The following GFRA1 variants were observed in gnomAD, a reference collection of about 807,000 sequenced individuals.
GFRA1 encodes GDNF family receptor alpha-1.
A neutral mutation model predicts 51.6 loss-of-function variants in GFRA1; 16 were observed. That is an observed-to-expected ratio of 0.31 (90% CI 0.21 to 0.47). The LOEUF is 0.47. Ranked by LOEUF, GFRA1 falls within the 20% of genes least tolerant of loss-of-function variation. The pLI, the probability that GFRA1 is intolerant of heterozygous loss-of-function variation, is 1.00. For missense variants in GFRA1, 530 were observed against 594.3 expected (o/e 0.89, Z 1.13); for synonymous variants, 270 against 241.3 (o/e 1.12, Z -1.10).
At chr10:116,095,137 CATAAAG>C (rs1206163033) in intron 7 of GFRA1, among the ~76,000 whole-genome samples, 6 of 152,220 alleles carry the variant, frequency 3.9e-5, no homozygotes, top group Admixed American at 6.5e-5. Flanking sequence ...CTTGGCCCCT[CATAAAG>C]AGGTTAAGGA....
In GFRA1 at chr10:116,061,965, C is replaced by T. The variant is rs967482101; in HGVS notation, c.*2433G>A. ...TTCCCCCTATTTATTTAATCAGCAA[C>T]TGATTTTCAAATTGAGGAGCTGGTA... On this transcript the variant is annotated 3_prime_UTR_variant, in exon 11 of 11. Transcript: ENST00000355422. 2 of 398,484 alleles carry T rather than the reference C, an allele frequency of 5.0e-6. No individual in the cohort carries two copies. The highest frequency in any genetic ancestry group is 4.1e-5 in the African/African-American group (2 of 48,640). 24.7% of individuals were successfully genotyped at this position (398,484 alleles called of 1,614,324 possible).
intron 9 of GFRA1, among the ~76,000 whole-genome samples, chr10:116,067,477 T>G (rs776030137): frequency 2.0e-5 from 3 of 152,200 alleles, no homozygotes; most frequent in Non-Finnish European, 4.4e-5. Flanking sequence ...CACAGCCAAG[T>G]TGCGCCTGAG....
chr10:116,068,819 G>T (rs1012557480), intron 9 of GFRA1, among the ~76,000 whole-genome samples: 1 of 151,206 alleles, frequency 6.6e-6, no homozygotes, highest in African/African-American at 2.5e-5. Flanking sequence ...AGATAAAATT[G>T]CAGGGCGTCT....
chr10:116,063,530 T>C lies in GFRA1; in HGVS notation c.*868A>G, dbSNP rs1031401258. The stretch of plus-strand genomic sequence containing the variant: ...TTACTTTCAAAATATAGAAAGCCAA[T>C]AGTTGAAATCATTTAGTAGTAAAAT... On this transcript the variant is annotated 3_prime_UTR_variant, in exon 11 of 11. Coordinates refer to ENST00000355422, the MANE Select transcript of GFRA1 (RefSeq NM_005264.8). 2.0e-5 allele frequency: 3 copies of C among 152,214 alleles called. No homozygotes were observed. Among genetic ancestry groups the C allele is most frequent in the African/African-American group, 7.2e-5 (3 of 41,462 alleles). 9.4% of individuals were successfully genotyped at this position (152,214 alleles called of 1,614,324 possible).
At chr10:116,109,112 C>T (rs1373007574) in intron 6 of GFRA1, among the ~76,000 whole-genome samples, 4 of 152,234 alleles carry the variant, frequency 2.6e-5, no homozygotes, top group Admixed American at 6.5e-5. Flanking sequence ...GAGCAGTAAC[C>T]GTACTAGCCA....
chr10:116,274,656 C>G (rs888094959), upstream of GFRA1, among the ~76,000 whole-genome samples: 1 of 152,152 alleles, frequency 6.6e-6, no homozygotes, highest in African/African-American at 2.4e-5. Flanking sequence ...GGACATCCTA[C>G]GGATCCGCAC....
chr10:116,235,901 G>A (rs1966864126), intron 4 of GFRA1, among the ~76,000 whole-genome samples: 1 of 152,074 alleles, frequency 6.6e-6, no homozygotes, highest in Non-Finnish European at 1.5e-5. Context: ...CGCCTTGCTG[G>A]CACACTGATC....
chr10:116,186,448 C>G (rs919639597), intron 5 of GFRA1, among the ~76,000 whole-genome samples: 5 of 151,924 alleles, frequency 3.3e-5, no homozygotes, highest in African/African-American at 9.7e-5. Flanking sequence ...ATTGAGCAGG[C>G]ACACTTACAA....
intron 6 of GFRA1, among the ~76,000 whole-genome samples, chr10:116,118,492 C>T (rs1423610068): frequency 6.6e-6 from 1 of 152,160 alleles, no homozygotes; most frequent in African/African-American, 2.4e-5. Flanking sequence ...ACCACTGTGT[C>T]CCCTCCAAAC....
intron 5 of GFRA1, among the ~76,000 whole-genome samples, chr10:116,208,367 C>A (rs180769319): frequency 6.6e-6 from 1 of 152,072 alleles, no homozygotes; most frequent in South Asian, 2.1e-4. Context: ...ATAAGTTCCA[C>A]GAAAACAGGA....
At chr10:116,184,024 T>G (rs896308891) in intron 5 of GFRA1, among the ~76,000 whole-genome samples, 1 of 152,246 alleles carries the variant, frequency 6.6e-6, no homozygotes, top group Non-Finnish European at 1.5e-5. Flanking sequence ...CACTGGCTGC[T>G]GGAAGTGCTT....
intron 4 of GFRA1, among the ~76,000 whole-genome samples, chr10:116,239,749 C>T (rs1967198881): frequency 6.6e-6 from 1 of 152,138 alleles, no homozygotes; most frequent in African/African-American, 2.4e-5. Flanking sequence ...AAGGAGGCTG[C>T]TGATCTTCAT....
intron 9 of GFRA1, among the ~76,000 whole-genome samples, chr10:116,066,831 A>C (rs1342932106): frequency 6.6e-6 from 1 of 152,240 alleles, no homozygotes; most frequent in Non-Finnish European, 1.5e-5. Flanking sequence ...GCCCTGGTTA[A>C]GCGTTACACT....
At chr10:116,211,720 A>G (rs1965209690) in intron 4 of GFRA1, 75 bp from the exon 5 acceptor site, 1 of 1,201,246 alleles carries the variant, frequency 8.3e-7, no homozygotes, top group Non-Finnish European at 1.2e-6. Flanking sequence ...AATAATGTTG[A>G]AAAGGACAGT....
At chr10:116,086,600 G>A (rs192167942) in intron 9 of GFRA1, among the ~76,000 whole-genome samples, 140 of 152,196 alleles carry the variant, frequency 9.2e-4, no homozygotes, top group South Asian at 7.9e-3. Flanking sequence ...CATGCAGGTC[G>A]TCATCTTAGG....
At chr10:116,245,150 C>T (rs2134658418) in intron 4 of GFRA1, among the ~76,000 whole-genome samples, 1 of 152,196 alleles carries the variant, frequency 6.6e-6, no homozygotes, top group Admixed American at 6.5e-5. Context: ...CATTTTCAAA[C>T]TGAAAAGACC....
chr10:116,175,718 TACAAAAC>T (rs1389741942), intron 5 of GFRA1, among the ~76,000 whole-genome samples: 1 of 152,192 alleles, frequency 6.6e-6, no homozygotes, highest in East Asian at 1.9e-4. Flanking sequence ...TGACCATAGT[TACAAAAC>T]GTAAACGTCA....
chr10:116,128,444 T>C lies in GFRA1; in HGVS notation c.434-2887A>G, dbSNP rs986528454. Reference sequence around the variant, plus strand: ...GGCTTAAAAAAAAATTGGCCTAGTGTGCCAGGTGCGGCGGCTCATGCCTGT... The same window carrying C: ...GGCTTAAAAAAAAATTGGCCTAGTGCGCCAGGTGCGGCGGCTCATGCCTGT... On this transcript the variant is annotated intron_variant, in intron 5 of 10. Coordinates refer to ENST00000355422, the MANE Select transcript of GFRA1 (RefSeq NM_005264.8). Among the ~76,000 whole-genome samples the C allele has an allele frequency of 2.6e-5, 4 of 152,274 alleles. No individual in the cohort carries two copies. The East Asian group carries it at 7.7e-4, about 29-fold the overall frequency.
At chr10:116,079,071 C>T (rs765245513) in intron 9 of GFRA1, among the ~76,000 whole-genome samples, 1 of 151,954 alleles carries the variant, frequency 6.6e-6, no homozygotes, top group East Asian at 1.9e-4. Context: ...GGGTAATCAT[C>T]CAGCGCGCTG....
Sources: allele counts gnomAD v4.1 joint callset (sites outside exome capture counted in the v4.1 genomes callset), GRCh38; gene constraint gnomAD v4.1.1; transcripts MANE v1.5; gene names NCBI Gene and HGNC (gene_info 2026-07-23, HGNC 2026-07-21).